DHDDS: variants seen among roughly 807,000 people sequenced by gnomAD.
DHDDS encodes the protein dehydrodolichyl diphosphate synthase complex subunit DHDDS.
DHDDS carries 16 observed loss-of-function variants against 46.2 expected under a neutral mutation model. The observed-to-expected ratio is 0.35, with a 90% CI of 0.23 to 0.53. The LOEUF is 0.53. Ranked by LOEUF, DHDDS falls within the 20% of genes least tolerant of loss-of-function variation. DHDDS has a pLI of 0.94. For missense variants in DHDDS, 340 were observed against 423.7 expected, an observed-to-expected ratio of 0.80 and a Z score of 1.73; for synonymous variants, 151 against 163.1, an observed-to-expected ratio of 0.93 and a Z score of 0.56.
intron 3 of DHDDS, chr1:26,438,513 C>T: frequency 4.1e-6 from 2 of 488,186 alleles, no homozygotes; most frequent in Admixed American, 3.0e-5. Flanking sequence ...TGCTTGAGCC[C>T]AGGGGTTCAG....
chr1:26,448,132 G>A, intron 6 of DHDDS: 1 of 212,492 alleles, frequency 4.7e-6, no homozygotes, highest in Non-Finnish European at 9.4e-6. Context: ...GTTTGTTGGG[G>A]CTAGAGTTCT....
chr1:26,432,794 G>C, intron 1 of DHDDS, 97 bp from the exon 2 acceptor site: 1 of 743,886 alleles, frequency 1.3e-6, no homozygotes, highest in Non-Finnish European at 2.4e-6. Flanking sequence ...GGATTCTAAT[G>C]CTGGCTGCTC....
chr1:26,438,161 T>C lies in DHDDS; in HGVS notation c.64-7T>C, dbSNP rs557755780. 2.1e-5 allele frequency: 34 copies of C among 1,613,546 alleles called. No individual in the cohort carries two copies. The East Asian group carries it at 7.1e-4, about 34-fold the overall frequency. ...ACCTGTTCATCATTTGTCTTCCTAT[T>C]CCACAGGCAGGCCCAATGCCGAAAC... is the stretch of plus-strand genomic sequence containing the variant. On this transcript the variant is annotated splice_polypyrimidine_tract_variant and splice_region_variant and intron_variant, in intron 2 of 8. Coordinates refer to ENST00000236342, the MANE Select transcript of DHDDS (RefSeq NM_205861.3).
At chr1:26,445,085 A>AT (rs2075255586) in intron 4 of DHDDS, among the ~76,000 whole-genome samples, 1 of 151,770 alleles carries the variant, frequency 6.6e-6, no homozygotes, top group East Asian at 1.9e-4. Context: ...CTGGTTCTCC[A>AT]TCAGCTGTCC....
intron 2 of DHDDS, among the ~76,000 whole-genome samples, chr1:26,433,675 CAAA>C (rs576315586): frequency 5.8e-4 from 55 of 94,678 alleles, no homozygotes; most frequent in African/African-American, 1.3e-3. Flanking sequence ...GACTCTGTCT[CAAA>C]AAAAAAAAAA....
At chr1:26,435,523 T>C (rs1364703746) in intron 2 of DHDDS, among the ~76,000 whole-genome samples, 1 of 145,854 alleles carries the variant, frequency 6.9e-6, no homozygotes, top group Admixed American at 7.1e-5. Context: ...CTGCAACCTC[T>C]GCCTCCCGGG....
chr1:26,460,718 CAT>C (rs1212417672), intron 8 of DHDDS, among the ~76,000 whole-genome samples: 2 of 152,124 alleles, frequency 1.3e-5, no homozygotes, highest in Admixed American at 6.5e-5. Flanking sequence ...TGGTAGCTAA[CAT>C]ATGAGGATCT....
At chr1:26,447,426 A>G (rs1426105917) in intron 5 of DHDDS, 133 bp from the exon 6 acceptor site, 2 of 751,930 alleles carry the variant, frequency 2.7e-6, no homozygotes, top group Non-Finnish European at 4.7e-6. Context: ...CACCTTTCAG[A>G]GGTATCCACA....
intron 3 of DHDDS, among the ~76,000 whole-genome samples, chr1:26,441,906 A>AG (rs1399675455): frequency 6.6e-6 from 1 of 151,780 alleles, no homozygotes; most frequent in African/African-American, 2.4e-5. Context: ...AAAAAAAAAA[A>AG]AAAAAAAAGA....
At chr1:26,446,481 C>T in intron 5 of DHDDS, 49 bp downstream of exon 5, 1 of 1,573,290 alleles carries the variant, frequency 6.4e-7, no homozygotes, top group Non-Finnish European at 8.7e-7. Flanking sequence ...CTTTGATTCC[C>T]TGCTGGCTTT....
chr1:26,433,427 ATTGT>A (rs1188557882), intron 2 of DHDDS, among the ~76,000 whole-genome samples: 4 of 152,088 alleles, frequency 2.6e-5, no homozygotes, highest in South Asian at 2.1e-4. Context: ...AGGTGGGCAG[ATTGT>A]TTGAGCTCAG....
At chr1:26,454,945 A>C (rs2075356896) in intron 6 of DHDDS, 1 of 1,602,620 alleles carries the variant, frequency 6.2e-7, no homozygotes, top group African/African-American at 1.3e-5. Context: ...TGGGCCACTG[A>C]CCTTGTGTCC....
chr1:26,461,419 C>G (rs936955026), intron 8 of DHDDS, among the ~76,000 whole-genome samples: 2 of 144,812 alleles, frequency 1.4e-5, no homozygotes, highest in Non-Finnish European at 3.0e-5. Context: ...GAGTTTCGCT[C>G]TTGCGGCCCA....
chr1:26,438,203 G>A lies in DHDDS; in HGVS notation c.99G>A (p.Met33Ile). 1 of 1,613,954 alleles carries A rather than the reference G, an allele frequency of 6.2e-7. No homozygotes were observed. The highest frequency in any genetic ancestry group is 8.5e-7 in the Non-Finnish European group (1 of 1,179,890). The change falls in exon 3 of 9, where the codon ATG becomes ATA. Residue 33 changes from methionine to isoleucine, a missense_variant. Transcript: ENST00000236342. ...GPMPKHIAFI[M>I]DGNRRYAKKC... is the part of the protein sequence containing the mutation. ...TGCCGAAACACATTGCATTCATAAT[G>A]GACGGGAACCGTCGCTATGCCAAGA...
chr1:26,458,476 G>A (rs1249291179), intron 7 of DHDDS, among the ~76,000 whole-genome samples: 1 of 152,150 alleles, frequency 6.6e-6, no homozygotes, highest in Non-Finnish European at 1.5e-5. Context: ...GGTGGCTCAC[G>A]CCTGTAATCC....
At chr1:26,454,642 G>A (rs966630000) in intron 6 of DHDDS, 1 of 1,230,950 alleles carries the variant, frequency 8.1e-7, no homozygotes, top group Non-Finnish European at 1.2e-6. Flanking sequence ...ATTTACTCCT[G>A]TGCCATAAGT....
intron 7 of DHDDS, among the ~76,000 whole-genome samples, chr1:26,458,363 A>T (rs2075390621): frequency 6.6e-6 from 1 of 152,212 alleles, no homozygotes; most frequent in African/African-American, 2.4e-5. Context: ...TAACTAGGGG[A>T]AGTCCTTGTT....
intron 2 of DHDDS, among the ~76,000 whole-genome samples, chr1:26,436,143 A>G (rs2075152492): frequency 6.6e-6 from 1 of 151,578 alleles, no homozygotes; most frequent in Non-Finnish European, 1.5e-5. Context: ...CAAACCTGTA[A>G]TCCCAGCACT....
chr1:26,469,454 T>G lies in DHDDS; in HGVS notation c.*323T>G. On this transcript the variant is annotated 3_prime_UTR_variant, in exon 9 of 9. Transcript: ENST00000236342. ...ACTTTCTTTTTCCACCAGCACATCC[T>G]TCAACACACAGAATTTCAGGGAAGA... is the stretch of plus-strand genomic sequence containing the variant. 2.2e-6 allele frequency: 1 copy of G among 450,672 alleles called. No individual in the cohort carries two copies. The highest frequency in any genetic ancestry group is 2.2e-5 in the South Asian group (1 of 45,960). The allele number at this position is 450,672 out of a possible 1,614,324, so 27.9% of individuals were successfully genotyped here.
Sources: gnomAD v4.1 joint callset for allele counts (sites outside exome capture counted in the v4.1 genomes callset) on GRCh38, gnomAD v4.1.1 for gene constraint, MANE v1.5 for transcripts, NCBI Gene and HGNC (gene_info 2026-07-23, HGNC 2026-07-21) for gene names.